Variants in GMDS observed in about 807,000 individuals in gnomAD.
GMDS encodes GDP-mannose 4,6-dehydratase.
GMDS carries 20 observed loss-of-function variants against 49.9 expected under a neutral mutation model. The ratio of observed to expected loss-of-function variants is 0.40; its 90% CI spans 0.28 to 0.58. The LOEUF is 0.58. GMDS is among the 20% of genes least tolerant of loss of function. GMDS has a pLI of 0.42. For synonymous variants in GMDS, 177 were observed against 178.6 expected, an observed-to-expected ratio of 0.99 and a Z score of 0.07; for missense variants, 362 against 481.4, an observed-to-expected ratio of 0.75 and a Z score of 2.32.
At position 1,766,391 on chromosome 6, in the gene GMDS, C is replaced by T. The variant is rs114483194; in HGVS notation, c.772-23805G>A. Reference sequence around the variant, plus strand: ...GCTCTGCGTTAGAACCCACACCTTCCGTCTCCCGGGCCAGGTCTCTTTGTA... The same window carrying T: ...GCTCTGCGTTAGAACCCACACCTTCTGTCTCCCGGGCCAGGTCTCTTTGTA... On this transcript the variant is annotated intron_variant, in intron 7 of 10. Coordinates refer to ENST00000380815, the MANE Select transcript of GMDS (RefSeq NM_001500.4). The surrounding 1 kb of genome is among the most constrained non-coding windows in gnomAD (Gnocchi z 4.5). Among the ~76,000 whole-genome samples the T allele has an allele frequency of 1.1e-3, 160 of 152,224 alleles. No homozygotes were observed. The highest frequency in any genetic ancestry group is 3.7e-3 in the African/African-American group (153 of 41,526).
intron 7 of GMDS, among the ~76,000 whole-genome samples, chr6:1,891,556 G>A (rs551528211): frequency 6.6e-6 from 1 of 152,186 alleles, no homozygotes; most frequent in Admixed American, 6.5e-5. Flanking sequence ...TTAAGTACTT[G>A]ATCTCCTAAT....
intron 7 of GMDS, among the ~76,000 whole-genome samples, chr6:1,804,445 C>T (rs1175296969): frequency 6.6e-6 from 1 of 152,264 alleles, no homozygotes; most frequent in South Asian, 2.1e-4. Flanking sequence ...TCTGCCACCT[C>T]CACTTCTCCT....
chr6:2,065,158 G>A (rs1381434133), intron 4 of GMDS, among the ~76,000 whole-genome samples: 1 of 152,094 alleles, frequency 6.6e-6, no homozygotes, highest in East Asian at 1.9e-4. Flanking sequence ...CCCCAGCAGG[G>A]GCAGACTGAC....
At chr6:1,919,687 T>C (rs992365432) in intron 7 of GMDS, among the ~76,000 whole-genome samples, 102 of 152,352 alleles carry the variant, frequency 6.7e-4, no homozygotes, top group African/African-American at 2.3e-3. Flanking sequence ...GGCTTTTGAA[T>C]ATTCTTCACC....
At chr6:2,232,391 A>G (rs1781148796) in intron 1 of GMDS, among the ~76,000 whole-genome samples, 1 of 152,182 alleles carries the variant, frequency 6.6e-6, no homozygotes. Context: ...TGAAACATCA[A>G]ACCATAACAA....
intron 9 of GMDS, among the ~76,000 whole-genome samples, chr6:1,646,864 G>A (rs2113201901): frequency 6.6e-6 from 1 of 152,264 alleles, no homozygotes; most frequent in African/African-American, 2.4e-5. Flanking sequence ...CTGGGTCCTG[G>A]GCACCCCATG....
chr6:2,151,741 C>G (rs1179933600), intron 1 of GMDS, among the ~76,000 whole-genome samples: 2 of 152,082 alleles, frequency 1.3e-5, no homozygotes, highest in Non-Finnish European at 2.9e-5. Context: ...ATCAATTTCT[C>G]ATACTCTTTA....
intron 4 of GMDS, among the ~76,000 whole-genome samples, chr6:2,062,379 C>T (rs1035947279): frequency 1.3e-5 from 2 of 152,160 alleles, no homozygotes; most frequent in African/African-American, 2.4e-5. Flanking sequence ...CATAAGGGAT[C>T]GTTCTGCATT....
At chr6:2,226,177 T>C (rs1186895439) in intron 1 of GMDS, among the ~76,000 whole-genome samples, 1 of 152,202 alleles carries the variant, frequency 6.6e-6, no homozygotes, top group Non-Finnish European at 1.5e-5. Flanking sequence ...TTCTGGACAC[T>C]CACCAACAAT....
At chr6:1,744,634 C>T (rs534537789) in intron 7 of GMDS, among the ~76,000 whole-genome samples, 18 of 152,284 alleles carry the variant, frequency 1.2e-4, no homozygotes, top group African/African-American at 3.1e-4. Context: ...AGCCCAGGCT[C>T]GGCACCGTTT....
In GMDS at chr6:2,231,071, A is replaced by G. The variant is rs554751886; in HGVS notation, c.102+14250T>C. Among the ~76,000 whole-genome samples, 31 of 151,766 alleles carry G rather than the reference A, an allele frequency of 2.0e-4. 1 individual carries two copies. In the East Asian group the frequency reaches 6.0e-3, roughly 30 times the overall value. On this transcript the variant is annotated intron_variant, in intron 1 of 10. Transcript: ENST00000380815. The stretch of plus-strand genomic sequence containing the variant: ...CCTGGTCAAAACAACAAGATCTGTC[A>G]CCACCCAGAAGGTCCCCAAAACTTG...
chr6:1,700,442 C>G (rs1765502779), intron 9 of GMDS, among the ~76,000 whole-genome samples: 2 of 152,070 alleles, frequency 1.3e-5, no homozygotes, highest in Non-Finnish European at 2.9e-5. Context: ...AAGGGAGAGC[C>G]TGGGGCAAGT....
chr6:1,731,269 G>A (rs999899084), intron 8 of GMDS, among the ~76,000 whole-genome samples: 1 of 152,210 alleles, frequency 6.6e-6, no homozygotes, highest in African/African-American at 2.4e-5. Context: ...CAGTATAACA[G>A]GATTTCCAGA....
chr6:1,980,511 T>A (rs537625691), intron 4 of GMDS, among the ~76,000 whole-genome samples: 2 of 151,198 alleles, frequency 1.3e-5, no homozygotes, highest in Non-Finnish European at 2.9e-5. Flanking sequence ...GTCTTACATA[T>A]ACAAACACTC....
rs553380638 is a variant in GMDS, at chr6:2,027,758, T to C, written c.346-66792A>G. Among the ~76,000 whole-genome samples the C allele has an allele frequency of 1.6e-4, 25 of 152,340 alleles. No homozygotes were observed. The East Asian group carries it at 4.6e-3, about 28-fold the overall frequency. On this transcript the variant is annotated intron_variant, in intron 4 of 10. Coordinates refer to ENST00000380815, the MANE Select transcript of GMDS (RefSeq NM_001500.4). ...ATAAATTTACATTTCATAAAGTTTATGAAAAGTTTTTATTAAAAATATATT... is the reference window on the plus strand; with the variant it reads ...ATAAATTTACATTTCATAAAGTTTACGAAAAGTTTTTATTAAAAATATATT...
chr6:2,187,925 C>A (rs1778850356), intron 1 of GMDS, among the ~76,000 whole-genome samples: 2 of 152,162 alleles, frequency 1.3e-5, no homozygotes, highest in African/African-American at 4.8e-5. Context: ...CTCTAAAATC[C>A]TAGGAAACAA....
At chr6:1,905,257 G>A (rs957554148) in intron 7 of GMDS, among the ~76,000 whole-genome samples, 1 of 152,246 alleles carries the variant, frequency 6.6e-6, no homozygotes, top group Non-Finnish European at 1.5e-5. Context: ...GGTGTCATTA[G>A]AGGTGGGGCC....
chr6:1,959,300 C>A (rs1763810418), intron 6 of GMDS, among the ~76,000 whole-genome samples: 1 of 152,160 alleles, frequency 6.6e-6, no homozygotes, highest in African/African-American at 2.4e-5. Flanking sequence ...TTGATCACTA[C>A]ACATTGTTTC....
intron 7 of GMDS, among the ~76,000 whole-genome samples, chr6:1,831,085 T>C (rs551999884): frequency 6.6e-6 from 1 of 152,268 alleles, no homozygotes; most frequent in Non-Finnish European, 1.5e-5. Context: ...AGAGTTATTC[T>C]GGTAAGGCCA....
Sources: allele counts gnomAD v4.1 joint callset (sites outside exome capture counted in the v4.1 genomes callset), GRCh38; gene constraint gnomAD v4.1.1; non-coding constraint Gnocchi (gnomAD v3.1); transcripts MANE v1.5; gene names NCBI Gene and HGNC (gene_info 2026-07-23, HGNC 2026-07-21).